The following FAM135B variants were observed in gnomAD, a reference collection of about 807,000 sequenced individuals.
The protein encoded by FAM135B is family with sequence similarity 135 member B, also known as protein FAM135B.
Under a neutral mutation model 127.7 loss-of-function variants are expected in FAM135B, and 43 were observed. That is an observed-to-expected ratio of 0.34 (90% CI 0.26 to 0.43). The LOEUF is 0.43. FAM135B is among the 20% of genes least tolerant of loss of function. The pLI, the probability that FAM135B is intolerant of heterozygous loss-of-function variation, is 1.00. For missense variants in FAM135B, 1,558 were observed against 1,725.6 expected (o/e 0.90, Z 1.72); for synonymous variants, 670 against 665.1 (o/e 1.01, Z -0.11).
chr8:138,496,442 G>A (rs1050078204), intron 1 of FAM135B, among the ~76,000 whole-genome samples: 2 of 152,128 alleles, frequency 1.3e-5, no homozygotes, highest in African/African-American at 4.8e-5. Flanking sequence ...CAGCCTCTCC[G>A]CTCCTTTCAC....
At chr8:138,295,458 T>G (rs2130814831) in intron 3 of FAM135B, among the ~76,000 whole-genome samples, 1 of 152,240 alleles carries the variant, frequency 6.6e-6, no homozygotes, top group South Asian at 2.1e-4. Context: ...AGTCCCTGAC[T>G]TCACTGAGTT....
At chr8:138,140,027 T>TA (rs1165809514) in intron 17 of FAM135B, among the ~76,000 whole-genome samples, 3 of 152,226 alleles carry the variant, frequency 2.0e-5, no homozygotes, top group Non-Finnish European at 1.5e-5. Context: ...TCTGTCTTTT[T>TA]AAAAAATATT....
At chr8:138,414,082 T>A (rs1834008083) in intron 1 of FAM135B, among the ~76,000 whole-genome samples, 1 of 144,154 alleles carries the variant, frequency 6.9e-6, no homozygotes, top group Admixed American at 7.1e-5. Context: ...ATTTAATAAA[T>A]ACAATATGCT....
chr8:138,154,492 C>A (rs1005714784), intron 12 of FAM135B, among the ~76,000 whole-genome samples: 10 of 152,100 alleles, frequency 6.6e-5, no homozygotes, highest in African/African-American at 2.4e-4. Context: ...TAACAAACTT[C>A]TCCAGGCCAA....
intron 6 of FAM135B, among the ~76,000 whole-genome samples, chr8:138,249,135 C>T (rs1821517295): frequency 6.6e-6 from 1 of 152,158 alleles, no homozygotes; most frequent in African/African-American, 2.4e-5. Flanking sequence ...CTAGCCTCAC[C>T]TCGCAGAGGG....
chr8:138,309,079 T>C (rs1826472569), intron 3 of FAM135B: 1 of 429,162 alleles, frequency 2.3e-6, no homozygotes, highest in African/African-American at 2.1e-5. Flanking sequence ...CTAAGACAAA[T>C]ATCTATGAAG....
chr8:138,455,803 T>C (rs1836743419), intron 1 of FAM135B, among the ~76,000 whole-genome samples: 1 of 152,170 alleles, frequency 6.6e-6, no homozygotes, highest in African/African-American at 2.4e-5. Context: ...TCTAAGTACC[T>C]GACTTCATCC....
At chr8:138,405,832 A>G (rs1217327287) in intron 1 of FAM135B, among the ~76,000 whole-genome samples, 2 of 151,888 alleles carry the variant, frequency 1.3e-5, no homozygotes, top group Non-Finnish European at 2.9e-5. Context: ...TCCCACCAAC[A>G]GTGTAAAAGT....
intron 1 of FAM135B, among the ~76,000 whole-genome samples, chr8:138,398,218 G>A (rs1177635228): frequency 3.3e-5 from 5 of 152,194 alleles, no homozygotes; most frequent in African/African-American, 9.7e-5. Context: ...GGCACCATGC[G>A]TGGGACTCCC....
chr8:138,332,657 C>A (rs1291908477), intron 2 of FAM135B, among the ~76,000 whole-genome samples: 2 of 151,838 alleles, frequency 1.3e-5, no homozygotes, highest in Admixed American at 6.6e-5. Context: ...AAAGCAGGGG[C>A]GTGTGGTGCA....
intron 11 of FAM135B, among the ~76,000 whole-genome samples, chr8:138,171,420 T>C (rs148306733): frequency 1.0e-3 from 156 of 152,308 alleles, no homozygotes; most frequent in Middle Eastern, 3.4e-3. Flanking sequence ...TCTGTGTTTT[T>C]ACAATGCCTA....
At chr8:138,163,981 A>T (rs901098979) in intron 12 of FAM135B, among the ~76,000 whole-genome samples, 2 of 152,192 alleles carry the variant, frequency 1.3e-5, no homozygotes, top group African/African-American at 4.8e-5. Context: ...GGTGTGAGCC[A>T]CCATGCCCAG....
At chr8:138,376,122 T>G (rs1462625171) in intron 1 of FAM135B, among the ~76,000 whole-genome samples, 1 of 152,114 alleles carries the variant, frequency 6.6e-6, no homozygotes, top group Non-Finnish European at 1.5e-5. Context: ...TTTATATTTT[T>G]AGTAGAGACA....
intron 3 of FAM135B, among the ~76,000 whole-genome samples, chr8:138,288,158 A>G (rs949553596): frequency 1.3e-5 from 2 of 152,142 alleles, no homozygotes; most frequent in East Asian, 1.9e-4. Context: ...AGGGAAACCA[A>G]TAAGGTTTGT....
At chr8:138,446,233 G>A (rs1466602741) in intron 1 of FAM135B, among the ~76,000 whole-genome samples, 19 of 152,118 alleles carry the variant, frequency 1.2e-4, no homozygotes, top group Non-Finnish European at 1.0e-4. Flanking sequence ...TATTGCCCAA[G>A]GTAATTTATA....
intron 1 of FAM135B, among the ~76,000 whole-genome samples, chr8:138,450,112 T>C (rs1836409291): frequency 6.6e-6 from 1 of 152,228 alleles, no homozygotes. Context: ...CTATGCCTTT[T>C]CAGGCTAGTA....
chr8:138,388,956 C>G (rs1832380190), intron 1 of FAM135B, among the ~76,000 whole-genome samples: 2 of 151,800 alleles, frequency 1.3e-5, no homozygotes, highest in South Asian at 4.2e-4. Flanking sequence ...TATATATCCC[C>G]CCTCTGAAAT....
intron 9 of FAM135B, among the ~76,000 whole-genome samples, chr8:138,186,461 GAGAC>G (rs1190503504): frequency 6.6e-6 from 1 of 152,032 alleles, no homozygotes; most frequent in African/African-American, 2.4e-5. Context: ...AGGAGTGGGG[GAGAC>G]CAGGAGCTGG....
At chr8:138,400,641 C>T (rs553142367) in intron 1 of FAM135B, among the ~76,000 whole-genome samples, 14 of 152,096 alleles carry the variant, frequency 9.2e-5, no homozygotes, top group Non-Finnish European at 1.9e-4. Context: ...CCCTGTATTC[C>T]CTTAGCACAT....
Sources: allele counts gnomAD v4.1 joint callset (sites outside exome capture counted in the v4.1 genomes callset), GRCh38; gene constraint gnomAD v4.1.1; transcripts MANE v1.5; gene names NCBI Gene and HGNC (gene_info 2026-07-23, HGNC 2026-07-21).